The following RIOK2 variants were observed in gnomAD, a reference collection of about 807,000 sequenced individuals.
The protein encoded by RIOK2 is RIO kinase 2.
RIOK2 carries 46 observed loss-of-function variants against 62.4 expected under a neutral mutation model. That is an observed-to-expected ratio of 0.74 (90% confidence interval 0.58 to 0.94). The LOEUF (loss-of-function observed/expected upper bound fraction) is 0.94. Among genes scored for constraint, RIOK2 ranks in the 40% least tolerant of loss-of-function variants. The probability of loss-of-function intolerance (pLI) is 0.00; values close to 1 mark genes in which losing one functional copy is unlikely to be tolerated. For missense variants in RIOK2, 574 were observed against 658.0 expected, an observed-to-expected ratio of 0.87 and a Z score of 1.40; for synonymous variants, 197 against 216.0, an observed-to-expected ratio of 0.91 and a Z score of 0.77.
At position 97,165,153 on chromosome 5, in the gene RIOK2, A is replaced by ATTT. The variant is rs1217887484; in HGVS notation, c.1398-7_1398-6insAAA. ...CTCCCACATTTTCTTCATCTCTAAA[A>ATTT]TTAAAAAACCCACAATTTATCTAGT... On this transcript the variant is annotated splice_polypyrimidine_tract_variant and splice_region_variant and intron_variant, in intron 8 of 9. Transcript: ENST00000283109. The ATTT allele has an allele frequency of 1.5e-6, 2 of 1,367,668 alleles. No individual in the cohort carries two copies. Among genetic ancestry groups the ATTT allele is most frequent in the Non-Finnish European group, 1.9e-6 (2 of 1,033,828 alleles). 84.7% of individuals were successfully genotyped at this position (1,367,668 alleles called of 1,614,324 possible).
chr5:97,178,939 G>A (rs1749257473), intron 2 of RIOK2, 116 bp downstream of exon 2: 2 of 1,169,254 alleles, frequency 1.7e-6, no homozygotes, highest in Non-Finnish European at 2.5e-6. Context: ...TGTTCTGTCA[G>A]TTCTTCGTCT....
Position 97,177,174 on chromosome 5 carries a change from TTGTGCCTATGTTTATGA to T in RIOK2, c.423_439del (p.Tyr141Ter). 1 of 1,613,128 alleles carries T rather than the reference TTGTGCCTATGTTTATGA, an allele frequency of 6.2e-7. No homozygotes were observed. Among genetic ancestry groups the T allele is most frequent in the East Asian group, 2.2e-5 (1 of 44,792 alleles). On this transcript the variant is annotated stop_gained and frameshift_variant, in exon 4 of 10. Coordinates refer to ENST00000283109, the MANE Select transcript of RIOK2 (RefSeq NM_018343.3). LOFTEE classifies it high-confidence loss of function. ...ACGAGATAAATATAGCCATGACACA[TTGTGCCTATGTTTATGA>T]TAATCGCGTTTGTTTTTCAAATTTC...
At chr5:97,181,131 G>A (rs1749395845) in intron 1 of RIOK2, among the ~76,000 whole-genome samples, 1 of 151,926 alleles carries the variant, frequency 6.6e-6, no homozygotes, top group South Asian at 2.1e-4. Flanking sequence ...AATTAGCTGG[G>A]CGTGGTGGTG....
chr5:97,162,337 T>C lies in RIOK2; in HGVS notation c.*724A>G, dbSNP rs1012490883. 6.6e-6 allele frequency: 1 copy of C among 152,240 alleles called. No homozygotes were observed. Among genetic ancestry groups the C allele is most frequent in the Non-Finnish European group, 1.5e-5 (1 of 68,066 alleles). 9.4% of individuals were successfully genotyped at this position (152,240 alleles called of 1,614,324 possible). ...ATTTGTTAACCTTGAGGTGAGAACA[T>C]GTTCCGGACCCACTTATATAATAAG... is the stretch of plus-strand genomic sequence containing the variant. On this transcript the variant is annotated 3_prime_UTR_variant, in exon 10 of 10. Transcript: ENST00000283109.
Position 97,177,828 on chromosome 5 carries a change from T to A in RIOK2, c.226A>T (p.Thr76Ser). ...RTKTVQGYRL[T>S]NAGYDYLALK... The stretch of plus-strand genomic sequence containing the variant: ...GCTAGGTAATCATATCCTGCATTTG[T>A]CAACCGATAGCCCTGGACAGCTAGA... Residue 76 changes from threonine (T) to serine (S), a missense_variant, in exon 3 of 10, where the codon ACA (threonine) becomes TCA (serine). By Grantham distance (58) the Thr-to-Ser change is moderately conservative. Transcript: ENST00000283109. 1.2e-6 allele frequency: 2 copies of A among 1,612,912 alleles called. No individual in the cohort carries two copies. Among genetic ancestry groups the A allele is most frequent in the Non-Finnish European group, 1.7e-6 (2 of 1,179,172 alleles).
At chr5:97,169,804 T>C (rs1055866107) in intron 6 of RIOK2, among the ~76,000 whole-genome samples, 3 of 152,156 alleles carry the variant, frequency 2.0e-5, no homozygotes, top group African/African-American at 7.2e-5. Context: ...TAAATCACAA[T>C]GTCTCTCCAT....
intron 5 of RIOK2, among the ~76,000 whole-genome samples, chr5:97,171,713 AGCCAC>A (rs1749015325): frequency 6.6e-6 from 1 of 152,190 alleles, no homozygotes; most frequent in Non-Finnish European, 1.5e-5. Flanking sequence ...CGTTAACACT[AGCCAC>A]TTCAAACCAG....
At chr5:97,168,025 G>GA (rs1748896143) in intron 7 of RIOK2, 34 bp from the exon 8 acceptor site, 2 of 1,532,352 alleles carry the variant, frequency 1.3e-6, no homozygotes, top group Middle Eastern at 1.7e-4. Flanking sequence ...TAGAAAGAGA[G>GA]AAAAAATGTT....
rs1027657845 is a variant in RIOK2 at position 97,167,936 on chromosome 5, G to T, written c.928C>A (p.Gln310Lys). 2 of 1,607,924 alleles carry T rather than the reference G, an allele frequency of 1.2e-6. No homozygotes were observed. Among genetic ancestry groups the T allele is most frequent in the South Asian group, 1.1e-5 (1 of 91,054 alleles). Reference sequence around the variant, plus strand: ...GGATGAAGCAGTTCATCATCTGCCTGCATTTCCTTTGTGTAGCCACTGGCA... The same window carrying T: ...GGATGAAGCAGTTCATCATCTGCCTTCATTTCCTTTGTGTAGCCACTGGCA... ...VSASGYTKEM[Q>K]ADDELLHPLG... The change falls in exon 8 of 10, where the codon CAG becomes AAG. Residue 310 changes from glutamine to lysine, a missense_variant. By Grantham distance (53) the Gln-to-Lys change is moderately conservative. Transcript: ENST00000283109.
Position 97,179,182 on chromosome 5 carries a change from G to A in RIOK2, c.78C>T (p.Gly26=), listed in dbSNP as rs149746145. 20 of 1,612,980 alleles carry A rather than the reference G, an allele frequency of 1.2e-5. No individual in the cohort carries two copies. The African/African-American group carries it at 2.7e-4, about 22-fold the overall frequency. ...DFRVLTAVEM[G]MKNHEIVPGS... ...CGGGAACAATTTCATGGTTCTTCAT[G>A]CCCATTTCAACCTGAAATTAAAGGA... Residue 26 remains glycine, a synonymous_variant, in exon 2 of 10, where the codon GGC becomes GGT. Transcript: ENST00000283109.
At chr5:97,164,169 G>A (rs958413607) in intron 9 of RIOK2, among the ~76,000 whole-genome samples, 1 of 151,906 alleles carries the variant, frequency 6.6e-6, no homozygotes, top group African/African-American at 2.4e-5. Flanking sequence ...GGGATCACAG[G>A]TCTGAGCCAC....
chr5:97,180,101 T>C (rs1167350428), intron 1 of RIOK2, among the ~76,000 whole-genome samples: 1 of 95,308 alleles, frequency 1.0e-5, no homozygotes, highest in Non-Finnish European at 2.1e-5. Context: ...ATCTCTATCC[T>C]ACATGCTCTT....
At position 97,183,216 on chromosome 5, in the gene RIOK2, G is replaced by A. The variant is rs1251111096; in HGVS notation, c.-25C>T. ...TGGCGGCCCCAGTCCGAACCCAGAT[G>A]CCTCTCCGACGACAGCCGCAAAGCG... On this transcript the variant is annotated 5_prime_UTR_variant, in exon 1 of 10. Transcript: ENST00000283109. The A allele has an allele frequency of 1.9e-6, 3 of 1,613,452 alleles. No homozygotes were observed. Among genetic ancestry groups the A allele is most frequent in the South Asian group, 1.1e-5 (1 of 91,068 alleles).
Position 97,167,463 on chromosome 5 carries a change from A to C in RIOK2, c.1397+4T>G. On this transcript the variant is annotated splice_donor_region_variant and intron_variant, in intron 8 of 9. Transcript: ENST00000283109. ...GTTAAAAAGCAATCGACAGAAGTCT[A>C]TACCTGAAAGGCCTGAATTCTCTAT... 2 of 1,613,204 alleles carry C rather than the reference A, an allele frequency of 1.2e-6. No individual in the cohort carries two copies.
chr5:97,177,184 G>T lies in RIOK2; in HGVS notation c.430C>A (p.His144Asn). ...TATAGCCATGACACATTGTGCCTAT[G>T]TTTATGATAATCGCGTTTGTTTTTC... ...NLKNKRDYHKHRHNVSWLYLS... is the reference protein window; with the variant it reads ...NLKNKRDYHKNRHNVSWLYLS... Residue 144 changes from histidine to asparagine, a missense_variant, in exon 4 of 10, where the codon CAT becomes AAT. Transcript: ENST00000283109. 6.2e-7 allele frequency: 1 copy of T among 1,613,334 alleles called. No individual in the cohort carries two copies. The highest frequency in any genetic ancestry group is 8.5e-7 in the Non-Finnish European group (1 of 1,179,510).
chr5:97,174,157 G>A (rs537867479), intron 4 of RIOK2, among the ~76,000 whole-genome samples: 3 of 152,256 alleles, frequency 2.0e-5, no homozygotes, highest in South Asian at 2.1e-4. Flanking sequence ...GGAGTCTCAC[G>A]TCTGTAACCC....
rs774007499 is a variant in RIOK2, at chr5:97,177,197, G to C, written c.417C>G (p.Arg139=). The C allele has an allele frequency of 6.2e-7, 1 of 1,613,130 alleles. No individual in the cohort carries two copies. Among genetic ancestry groups the C allele is most frequent in the African/African-American group, 1.3e-5 (1 of 74,948 alleles). Reference sequence around the variant, plus strand: ...CATTGTGCCTATGTTTATGATAATCGCGTTTGTTTTTCAAATTTCGAAACG... The same window carrying C: ...CATTGTGCCTATGTTTATGATAATCCCGTTTGTTTTTCAAATTTCGAAACG... The part of the protein sequence containing the change: ...RTSFRNLKNK[R]DYHKHRHNVS... The change falls in exon 4 of 10, where the codon CGC becomes CGG. Residue 139 remains arginine, a synonymous_variant. Transcript: ENST00000283109.
Position 97,164,100 on chromosome 5 carries a change from C to T in RIOK2, c.1495-875G>A, listed in dbSNP as rs530257014. Among the ~76,000 whole-genome samples the T allele has an allele frequency of 7.9e-5, 12 of 152,218 alleles. No homozygotes were observed. The South Asian group carries it at 2.5e-3, about 32-fold the overall frequency. On this transcript the variant is annotated intron_variant, in intron 9 of 9. Coordinates refer to ENST00000283109, the MANE Select transcript of RIOK2 (RefSeq NM_018343.3). ...TAGACAGGGGTCTTGCTATGTTGCC[C>T]AGGCTGGCCTGAAACTCTTGGGCTC...
At chr5:97,174,765 T>C (rs1184812423) in intron 4 of RIOK2, among the ~76,000 whole-genome samples, 1 of 151,936 alleles carries the variant, frequency 6.6e-6, no homozygotes, top group East Asian at 1.9e-4. Context: ...AAATTCAGTA[T>C]ATAATTAAAA....
Sources: allele counts gnomAD v4.1 joint callset (sites outside exome capture counted in the v4.1 genomes callset), GRCh38; gene constraint gnomAD v4.1.1; transcripts MANE v1.5; gene names NCBI Gene and HGNC (gene_info 2026-07-23, HGNC 2026-07-21).